Variants in SAMD5 observed in about 807,000 individuals in gnomAD.
SAMD5 encodes the protein sterile alpha motif domain containing 5, also known as sterile alpha motif domain-containing protein 5.
Under a neutral mutation model 11.3 loss-of-function variants are expected in SAMD5, and 13 were observed. That is an observed-to-expected ratio of 1.15 (90% confidence interval 0.75 to 1.83). SAMD5 has a LOEUF of 1.83. SAMD5 is among the 40% of genes most tolerant of loss of function. The pLI is 0.00. For missense variants in SAMD5, 255 were observed against 239.1 expected, an observed-to-expected ratio of 1.07 and a Z score of -0.44; for synonymous variants, 129 against 111.3, an observed-to-expected ratio of 1.16 and a Z score of -1.00.
intron 1 of SAMD5, among the ~76,000 whole-genome samples, chr6:147,594,000 G>A (rs182776867): frequency 1.3e-5 from 2 of 152,124 alleles, no homozygotes; most frequent in East Asian, 3.9e-4. Flanking sequence ...TGGTGTGCAG[G>A]TGCCTGTAAT....
chr6:147,774,197 T>G, the SAMD5 span, among the ~76,000 whole-genome samples: 1 of 152,132 alleles, frequency 6.6e-6, no homozygotes, highest in African/African-American at 2.4e-5. Context: ...CTCCTACAAT[T>G]TATTCACCTC....
chr6:147,623,023 T>C (rs1298597961), intron 1 of SAMD5, among the ~76,000 whole-genome samples: 2 of 152,128 alleles, frequency 1.3e-5, no homozygotes, highest in Admixed American at 6.5e-5. Context: ...ACCAGGTCCC[T>C]CCCACAACAC....
the SAMD5 span, among the ~76,000 whole-genome samples, chr6:147,913,197 C>A: frequency 6.6e-6 from 1 of 152,000 alleles, no homozygotes; most frequent in African/African-American, 2.4e-5. Flanking sequence ...ATATCCCAAC[C>A]ACAATCAGTG....
At chr6:147,652,068 T>C (rs1275964027) in intron 1 of SAMD5, among the ~76,000 whole-genome samples, 1 of 152,206 alleles carries the variant, frequency 6.6e-6, no homozygotes, top group Non-Finnish European at 1.5e-5. Context: ...GAATAACGTA[T>C]CTTAATTGGT....
chr6:147,565,280 G>A lies in SAMD5; in HGVS notation c.*824G>A. 1 of 985,868 alleles carries A rather than the reference G, an allele frequency of 1.0e-6. No individual in the cohort carries two copies. The highest frequency in any genetic ancestry group is 1.2e-6 in the Non-Finnish European group (1 of 829,968). The allele number at this position is 985,868 out of a possible 1,614,324, so 61.1% of individuals were successfully genotyped here. On this transcript the variant is annotated 3_prime_UTR_variant, in exon 2 of 2. Coordinates refer to ENST00000367474, the MANE Select transcript of SAMD5 (RefSeq NM_001030060.3). ...GAGCTGCAGTGCTTTATCCCACCTT[G>A]CTCTCCAGGCTTCTGACTTCAGGCC...
At chr6:147,694,736 G>A (rs1486446785) in intron 1 of SAMD5, among the ~76,000 whole-genome samples, 1 of 152,106 alleles carries the variant, frequency 6.6e-6, no homozygotes, top group African/African-American at 2.4e-5. Context: ...AGGATTGCTT[G>A]AACCCCACAG....
At chr6:147,925,490 A>AT in the SAMD5 span, among the ~76,000 whole-genome samples, 33,656 of 148,416 alleles carry the variant, frequency 0.23, 4,207 homozygotes, top group African/African-American at 0.33. Flanking sequence ...TAAGAATAGA[A>AT]TTTTTTTTTT....
At chr6:147,642,115 C>T (rs1221058114) in intron 1 of SAMD5, among the ~76,000 whole-genome samples, 1 of 152,156 alleles carries the variant, frequency 6.6e-6, no homozygotes, top group Non-Finnish European at 1.5e-5. Flanking sequence ...CATTACAAAA[C>T]TTTTTTCTTT....
At chr6:147,533,264 A>T (rs1357496360) in intron 1 of SAMD5, among the ~76,000 whole-genome samples, 1 of 151,872 alleles carries the variant, frequency 6.6e-6, no homozygotes, top group East Asian at 1.9e-4. Flanking sequence ...CTGAGGCCTC[A>T]ACTTCATGGT....
At chr6:147,935,316 T>C in the SAMD5 span, among the ~76,000 whole-genome samples, 1 of 152,104 alleles carries the variant, frequency 6.6e-6, no homozygotes, top group Non-Finnish European at 1.5e-5. Context: ...TGAAGGAAGA[T>C]GAAGCTTAAA....
chr6:147,804,679 A>G, the SAMD5 span, among the ~76,000 whole-genome samples: 1 of 152,226 alleles, frequency 6.6e-6, no homozygotes, highest in East Asian at 1.9e-4. Flanking sequence ...AGCGGAAAAA[A>G]AGGGAGGGGT....
intron 1 of SAMD5, among the ~76,000 whole-genome samples, chr6:147,638,459 C>G (rs1226653376): frequency 6.6e-6 from 1 of 152,118 alleles, no homozygotes; most frequent in Non-Finnish European, 1.5e-5. Flanking sequence ...ATCACAGCTC[C>G]CTTGTGAATT....
At chr6:147,583,707 T>C (rs1789333487) in intron 1 of SAMD5, among the ~76,000 whole-genome samples, 1 of 152,136 alleles carries the variant, frequency 6.6e-6, no homozygotes, top group African/African-American at 2.4e-5. Flanking sequence ...TTATAACCTG[T>C]TGCCATTCTG....
At chr6:147,632,673 G>A (rs1310854636) in intron 1 of SAMD5, among the ~76,000 whole-genome samples, 6 of 152,126 alleles carry the variant, frequency 3.9e-5, no homozygotes, top group Admixed American at 6.6e-5. Context: ...TAAGAATTTC[G>A]ACCACACAGT....
the SAMD5 span, among the ~76,000 whole-genome samples, chr6:147,928,424 C>A: frequency 6.6e-6 from 1 of 152,036 alleles, no homozygotes; most frequent in Non-Finnish European, 1.5e-5. Context: ...GATTTATCCA[C>A]CTCTTCTAGG....
At chr6:147,816,205 A>G in the SAMD5 span, among the ~76,000 whole-genome samples, 239 of 146,162 alleles carry the variant, frequency 1.6e-3, 1 homozygote, top group African/African-American at 5.9e-3. Context: ...GCTTGAACCC[A>G]GGAGAAAGAG....
At chr6:147,827,017 C>T in the SAMD5 span, among the ~76,000 whole-genome samples, 1 of 152,116 alleles carries the variant, frequency 6.6e-6, no homozygotes, top group African/African-American at 2.4e-5. Context: ...CTTTTAGAGA[C>T]CATGGGGCTG....
intron 1 of SAMD5, among the ~76,000 whole-genome samples, chr6:147,723,241 G>A (rs540652362): frequency 6.6e-6 from 1 of 152,210 alleles, no homozygotes; most frequent in African/African-American, 2.4e-5. Context: ...TCTTTACCAT[G>A]GTAGCCAAAA....
chr6:147,898,257 C>T, the SAMD5 span, among the ~76,000 whole-genome samples: 5 of 152,150 alleles, frequency 3.3e-5, no homozygotes, highest in African/African-American at 1.2e-4. Context: ...CCAGCCAATG[C>T]ATCTACTCCC....
Sources: gnomAD v4.1 joint callset for allele counts (sites outside exome capture counted in the v4.1 genomes callset) on GRCh38, gnomAD v4.1.1 for gene constraint, MANE v1.5 for transcripts, NCBI Gene and HGNC (gene_info 2026-07-23, HGNC 2026-07-21) for gene names.